Variants in SECISBP2L observed in about 807,000 individuals in gnomAD.
SECISBP2L encodes SECIS binding protein 2 like.
A neutral mutation model predicts 114.7 loss-of-function variants in SECISBP2L; 43 were observed. The ratio of observed to expected loss-of-function variants is 0.38; its 90% confidence interval spans 0.29 to 0.48. The LOEUF (loss-of-function observed/expected upper bound fraction) is 0.48, where lower values mean the gene tolerates loss of function less well. Ranked by LOEUF, SECISBP2L falls within the 20% of genes least tolerant of loss-of-function variation. SECISBP2L has a pLI of 0.98. For synonymous variants in SECISBP2L, 451 were observed against 439.7 expected (o/e 1.03, Z -0.32); for missense variants, 1,136 against 1,301.1 (o/e 0.87, Z 1.95).
chr15:49,033,352 AAATG>A, intron 3 of SECISBP2L, among the ~76,000 whole-genome samples: 1 of 152,368 alleles, frequency 6.6e-6, no homozygotes, highest in Non-Finnish European at 1.5e-5. Context: ...TATGATTAAT[AAATG>A]AATTCATTTT....
chr15:49,045,239 G>T (rs1327455241), intron 1 of SECISBP2L, among the ~76,000 whole-genome samples: 1 of 152,000 alleles, frequency 6.6e-6, no homozygotes, highest in African/African-American at 2.4e-5. Flanking sequence ...GCTGTGCTTT[G>T]CCTGCTAAGA....
Position 48,992,534 on chromosome 15 carries a change from G to C in SECISBP2L, c.3016C>G (p.Pro1006Ala). Residue 1006 changes from proline (P) to alanine (A), a missense_variant, in exon 18 of 18, where the codon CCC (proline) becomes GCC (alanine). Physicochemically the swap from Pro to Ala is conservative, Grantham distance 27 (BLOSUM62 -1). Around this residue, in one of 2 missense-constraint regions of SECISBP2L, gnomAD observed 684 missense variants for 848.7 expected, o/e 0.81. Coordinates refer to ENST00000559471, the MANE Select transcript of SECISBP2L (RefSeq NM_001193489.2). ...TTGAGCTGCACTTCTACAGATATGG[G>C]TTCATGAGTATAATCTTCCTCCTCC... ...EEEEEDYTHE[P>A]ISVEVQLNSR... The C allele has an allele frequency of 1.2e-6, 2 of 1,614,166 alleles. No homozygotes were observed. Among genetic ancestry groups the C allele is most frequent in the Non-Finnish European group, 1.7e-6 (2 of 1,180,040 alleles).
intron 5 of SECISBP2L, 63 bp downstream of exon 5, chr15:49,028,389 GA>G: frequency 6.8e-7 from 1 of 1,461,754 alleles, no homozygotes; most frequent in Non-Finnish European, 9.5e-7. Context: ...AGCTTTAGCA[GA>G]GGATGCAAAA....
chr15:49,005,455 C>G (rs1359611395), intron 14 of SECISBP2L, among the ~76,000 whole-genome samples: 1 of 150,188 alleles, frequency 6.7e-6, no homozygotes, highest in Non-Finnish European at 1.5e-5. Flanking sequence ...GTTACCTCAT[C>G]TTGATGCATT....
intron 17 of SECISBP2L, among the ~76,000 whole-genome samples, chr15:48,993,902 T>C (rs1231352314): frequency 6.6e-6 from 1 of 152,122 alleles, no homozygotes; most frequent in African/African-American, 2.4e-5. Flanking sequence ...ACAGCTACTA[T>C]TTGCAGTTTA....
At position 48,999,982 on chromosome 15, in the gene SECISBP2L, G is replaced by A. The variant is rs753976735; in HGVS notation, c.2254C>T (p.Leu752=). 1 of 1,613,112 alleles carries A rather than the reference G, an allele frequency of 6.2e-7. No homozygotes were observed. The highest frequency in any genetic ancestry group is 8.5e-7 in the Non-Finnish European group (1 of 1,179,486). ...ATAACATTATAGAGAGCCTCATCCAGACCACCTGAGAAAATCAACACATGC... is the reference window on the plus strand; with the variant it reads ...ATAACATTATAGAGAGCCTCATCCAAACCACCTGAGAAAATCAACACATGC... ...NCEKIQSKGG[L]DEALYNVIAM... Residue 752 remains leucine, a synonymous_variant, in exon 16 of 18, where the codon CTG becomes TTG. Transcript: ENST00000559471.
intron 2 of SECISBP2L, 88 bp downstream of exon 2, chr15:49,037,503 T>A: frequency 8.3e-7 from 1 of 1,211,216 alleles, no homozygotes; most frequent in Non-Finnish European, 1.2e-6. Flanking sequence ...GGTTAAAGTC[T>A]AAAAGTTGCA....
chr15:49,030,144 T>C (rs1324189193), intron 4 of SECISBP2L, among the ~76,000 whole-genome samples: 6 of 152,198 alleles, frequency 3.9e-5, no homozygotes, highest in African/African-American at 4.8e-5. Context: ...ACAACACTGA[T>C]ACAATTTTGA....
intron 14 of SECISBP2L, 152 bp downstream of exon 14, chr15:49,009,064 A>C: frequency 1.4e-6 from 1 of 731,992 alleles, no homozygotes; most frequent in Non-Finnish European, 2.2e-6. Flanking sequence ...GCTTTAAATA[A>C]TAAACCCAGC....
Position 49,046,290 on chromosome 15 carries a change from C to A in SECISBP2L, c.10G>T (p.Ala4Ser), listed in dbSNP as rs374357963. ...AACCCGCGTACCTGCTCCGTGGGGG[C>A]TCGGTCCATGGTGCCTGCAGCCGCA... is the stretch of plus-strand genomic sequence containing the variant. MDRAPTEQNVKLSA... is the reference protein window; with the variant it reads MDRSPTEQNVKLSA... The change falls in exon 1 of 18, where the codon GCC (alanine) becomes TCC (serine). Residue 4 changes from alanine (A) to serine (S), a missense_variant. Transcript: ENST00000559471. 10 of 1,558,324 alleles carry A rather than the reference C, an allele frequency of 6.4e-6. No homozygotes were observed. Among genetic ancestry groups the A allele is most frequent in the Non-Finnish European group, 8.7e-6 (10 of 1,153,800 alleles).
At chr15:49,041,811 G>C (rs1212049920) in intron 1 of SECISBP2L, among the ~76,000 whole-genome samples, 1 of 152,118 alleles carries the variant, frequency 6.6e-6, no homozygotes, top group Non-Finnish European at 1.5e-5. Flanking sequence ...CAAACTTTAA[G>C]ATATTTTACA....
intron 14 of SECISBP2L, among the ~76,000 whole-genome samples, chr15:49,002,116 T>C (rs939806132): frequency 2.0e-5 from 3 of 152,172 alleles, no homozygotes; most frequent in African/African-American, 7.2e-5. Flanking sequence ...TCCTCTCCAG[T>C]GTCTCGTTTC....
chr15:49,020,513 T>C (rs2141074419), intron 7 of SECISBP2L, among the ~76,000 whole-genome samples: 1 of 152,100 alleles, frequency 6.6e-6, no homozygotes, highest in East Asian at 1.9e-4. Flanking sequence ...CCTGGCTTTT[T>C]ACATTACTTT....
At chr15:49,023,723 T>C (rs1170135003) in intron 7 of SECISBP2L, among the ~76,000 whole-genome samples, 1 of 152,198 alleles carries the variant, frequency 6.6e-6, no homozygotes, top group Non-Finnish European at 1.5e-5. Context: ...TATGTAGTAA[T>C]ATGGAAATTA....
In SECISBP2L at chr15:49,040,228, T is replaced by C. The variant is rs1242531659; in HGVS notation, c.25-2459A>G. On this transcript the variant is annotated intron_variant, in intron 1 of 17. Transcript: ENST00000559471. The stretch of plus-strand genomic sequence containing the variant: ...GTATGTGCCTTTATTAAAGTTTGTA[T>C]TGGTTTCTAAGTGCAATTCTAGTTA... 2.6e-5 allele frequency among the ~76,000 whole-genome samples: 4 copies of C among 152,216 alleles called. 1 individual carries two copies. The highest frequency in any genetic ancestry group is 9.6e-5 in the African/African-American group (4 of 41,454).
chr15:49,033,248 A>C (rs1031421871), intron 3 of SECISBP2L, 148 bp from the exon 4 acceptor site: 1 of 928,638 alleles, frequency 1.1e-6, no homozygotes, highest in Non-Finnish European at 1.6e-6. Context: ...AAATAGTACT[A>C]GGGTTTCATG....
At chr15:49,032,849 A>G (rs1595794970) in intron 4 of SECISBP2L, 116 bp downstream of exon 4, 4 of 1,308,170 alleles carry the variant, frequency 3.1e-6, no homozygotes. Context: ...AAGTGGCAGG[A>G]CAAATGAAAG....
In SECISBP2L at chr15:48,992,621, T is replaced by A; in HGVS notation, c.2929A>T (p.Thr977Ser). 1 of 1,614,148 alleles carries A rather than the reference T, an allele frequency of 6.2e-7. No homozygotes were observed. The change falls in exon 18 of 18, where the codon ACC becomes TCC. Residue 977 changes from threonine to serine, a missense_variant. Physicochemically the swap from Thr to Ser is moderately conservative, Grantham distance 58 (BLOSUM62 1). Coordinates refer to ENST00000559471, the MANE Select transcript of SECISBP2L (RefSeq NM_001193489.2). ...SCRDLLNSSI[T>S]STTSTLVPGM... ...GGTACAAGAGTGCTGGTGGTGCTGGTGATGGAGGAATTCAAAAGATCTCGG... is the reference window on the plus strand; with the variant it reads ...GGTACAAGAGTGCTGGTGGTGCTGGAGATGGAGGAATTCAAAAGATCTCGG...
chr15:48,999,725 A>T, intron 16 of SECISBP2L, 108 bp downstream of exon 16: 2 of 1,213,046 alleles, frequency 1.6e-6, no homozygotes, highest in Non-Finnish European at 2.3e-6. Context: ...AGGGTTGTCA[A>T]CTCACTCCTT....
Sources: allele counts gnomAD v4.1 joint callset (sites outside exome capture counted in the v4.1 genomes callset), GRCh38; gene constraint gnomAD v4.1.1; regional missense constraint gnomAD v4.1.1; transcripts MANE v1.5; gene names NCBI Gene and HGNC (gene_info 2026-07-23, HGNC 2026-07-21).